BEAN1: variants seen among roughly 807,000 people sequenced by gnomAD.
BEAN1 encodes protein BEAN1.
Under a neutral mutation model 17.7 loss-of-function variants are expected in BEAN1, and 17 were observed. The observed-to-expected ratio is 0.96, with a 90% CI of 0.66 to 1.44. The LOEUF is 1.44. Among genes scored for constraint, BEAN1 ranks in the 40% most tolerant of loss-of-function variants. The probability of loss-of-function intolerance (pLI) is 0.00; values close to 1 mark genes in which losing one functional copy is unlikely to be tolerated. For synonymous variants in BEAN1, 142 were observed against 151.8 expected (o/e 0.94, Z 0.47); for missense variants, 359 against 374.1 (o/e 0.96, Z 0.33).
rs760782907 is a variant in BEAN1 at position 66,481,494 on chromosome 16, G to A, written c.*569G>A. 3.8e-5 allele frequency: 14 copies of A among 367,406 alleles called. No homozygotes were observed. The highest frequency in any genetic ancestry group is 9.3e-5 in the Admixed American group (2 of 21,606). 22.8% of individuals were successfully genotyped at this position (367,406 alleles called of 1,614,324 possible). ...TATCTCTCGATTCCAGGGCAGATGA[G>A]CCACAACATCACCACCCTGCCACTT... On this transcript the variant is annotated 3_prime_UTR_variant, in exon 5 of 5. Coordinates refer to ENST00000536005, the MANE Select transcript of BEAN1 (RefSeq NM_001178020.3). This position sits in a 1 kb window ranked among gnomAD's most constrained non-coding sequence, Gnocchi z 4.1.
chr16:66,467,655 C>T (rs1250217828), intron 2 of BEAN1, among the ~76,000 whole-genome samples: 2 of 152,176 alleles, frequency 1.3e-5, no homozygotes, highest in East Asian at 3.9e-4. Flanking sequence ...GTCTCCACAC[C>T]CCACATTCTC....
At chr16:66,449,658 A>G (rs1434189032) in intron 2 of BEAN1, among the ~76,000 whole-genome samples, 1 of 151,956 alleles carries the variant, frequency 6.6e-6, no homozygotes, top group Non-Finnish European at 1.5e-5. Context: ...AGTTTTTCAA[A>G]AAGATTATAT....
rs900309002 is a variant in BEAN1, at chr16:66,459,313, C to T, written c.26-10289C>T. On this transcript the variant is annotated intron_variant, in intron 2 of 4. Transcript: ENST00000536005. The stretch of plus-strand genomic sequence containing the variant: ...CCTTGGGGAAAAGGACAATCTCTTT[C>T]TCTTTTTTTTTCTTTTTCTCTTTTG... 5.9e-5 allele frequency among the ~76,000 whole-genome samples: 9 copies of T among 152,164 alleles called. No homozygotes were observed. The East Asian group carries it at 1.5e-3, about 26-fold the overall frequency.
At chr16:66,478,470 C>T (rs565321766) in intron 4 of BEAN1, among the ~76,000 whole-genome samples, 19 of 152,060 alleles carry the variant, frequency 1.2e-4, no homozygotes, top group Non-Finnish European at 1.9e-4. Context: ...GGCGTGGTGG[C>T]GGGCGCCTGT....
chr16:66,479,519 C>T (rs1249318142), intron 4 of BEAN1, among the ~76,000 whole-genome samples: 4 of 152,010 alleles, frequency 2.6e-5, no homozygotes, highest in East Asian at 1.9e-4. Flanking sequence ...GGCACGACTA[C>T]GAAGACAGAG....
At chr16:66,476,303 A>G (rs1963744952) in intron 3 of BEAN1, 1 of 152,092 alleles carries the variant, frequency 6.6e-6, no homozygotes, top group East Asian at 1.9e-4. Context: ...TCCACTCACT[A>G]TTATATGAAG....
At chr16:66,472,128 G>A (rs1963507046) in intron 3 of BEAN1, among the ~76,000 whole-genome samples, 1 of 152,192 alleles carries the variant, frequency 6.6e-6, no homozygotes, top group Non-Finnish European at 1.5e-5. Context: ...AGCCTTCCAG[G>A]CCCCGCTCAA....
intron 4 of BEAN1, among the ~76,000 whole-genome samples, chr16:66,491,836 G>A (rs936733539): frequency 2.6e-5 from 4 of 152,148 alleles, no homozygotes; most frequent in African/African-American, 9.7e-5. Flanking sequence ...GATAATGCTT[G>A]TTTGCCCGCC....
intron 3 of BEAN1, among the ~76,000 whole-genome samples, chr16:66,470,597 A>G (rs189863310): frequency 1.3e-5 from 2 of 152,256 alleles, no homozygotes; most frequent in Admixed American, 1.3e-4. Context: ...AGTGAATAAA[A>G]CTATCCCTGG....
At chr16:66,479,545 A>AAC (rs147401996) in intron 4 of BEAN1, among the ~76,000 whole-genome samples, 64 of 151,572 alleles carry the variant, frequency 4.2e-4, no homozygotes, top group East Asian at 3.5e-3. Flanking sequence ...TCCCCCTCCA[A>AAC]ACACACACAC....
At chr16:66,446,327 G>A (rs1962454794) in intron 2 of BEAN1, among the ~76,000 whole-genome samples, 1 of 152,158 alleles carries the variant, frequency 6.6e-6, no homozygotes, top group Admixed American at 6.5e-5. Flanking sequence ...CATTGGATTT[G>A]GGGTGGATAA....
downstream of BEAN1, among the ~76,000 whole-genome samples, chr16:66,487,043 C>A (rs1004447528): frequency 6.6e-6 from 1 of 152,204 alleles, no homozygotes; most frequent in African/African-American, 2.4e-5. Context: ...CCAGAGAGGC[C>A]CAGATCCACT....
In BEAN1 at chr16:66,482,534, C is replaced by T. The variant is rs996375999; in HGVS notation, c.*1609C>T. 4.2e-6 allele frequency: 1 copy of T among 240,296 alleles called. No individual in the cohort carries two copies. The highest frequency in any genetic ancestry group is 5.3e-5 in the Admixed American group (1 of 18,870). 14.9% of individuals were successfully genotyped at this position (240,296 alleles called of 1,614,324 possible). On this transcript the variant is annotated 3_prime_UTR_variant, in exon 5 of 5. Coordinates refer to ENST00000536005, the MANE Select transcript of BEAN1 (RefSeq NM_001178020.3). ...GGGACTTGTTTACAAGCAGTTCTGA[C>T]CACCTTAGTGGTGTACTGTTTTCTA...
intron 2 of BEAN1, among the ~76,000 whole-genome samples, chr16:66,468,245 GC>G (rs965908632): frequency 5.6e-4 from 86 of 152,332 alleles, no homozygotes; most frequent in African/African-American, 1.9e-3. Flanking sequence ...GGAGTGCCTA[GC>G]CCCATTGTTG....
intron 1 of BEAN1, chr16:66,428,328 G>C (rs552865504): frequency 6.6e-6 from 1 of 152,630 alleles, no homozygotes; most frequent in South Asian, 2.1e-4. Context: ...GGAAAGGGAG[G>C]GCGCAAGTAA....
intron 2 of BEAN1, among the ~76,000 whole-genome samples, chr16:66,458,660 C>G (rs1178315062): frequency 7.1e-6 from 1 of 141,608 alleles, no homozygotes; most frequent in Non-Finnish European, 1.5e-5. Flanking sequence ...TGAGTTCAAA[C>G]CCCAGCTCTG....
Position 66,433,645 on chromosome 16 carries a change from C to T in BEAN1, c.-82-3950C>T, listed in dbSNP as rs902960571. 4.6e-5 allele frequency among the ~76,000 whole-genome samples: 7 copies of T among 152,302 alleles called. 1 individual carries two copies. In the Middle Eastern group the frequency reaches 0.01, roughly 222 times the overall value. ...GCAGGGGCTCACCACCTCATCGGGC[C>T]CCTTATTCTTCTGAGTCACAGTGTT... On this transcript the variant is annotated intron_variant, in intron 1 of 4. Coordinates refer to ENST00000536005, the MANE Select transcript of BEAN1 (RefSeq NM_001178020.3).
intron 4 of BEAN1, among the ~76,000 whole-genome samples, chr16:66,480,125 T>G (rs1963928806): frequency 6.6e-6 from 1 of 152,052 alleles, no homozygotes; most frequent in Non-Finnish European, 1.5e-5. Flanking sequence ...TTCGGGGCAA[T>G]GGGTGCTCTT....
intron 2 of BEAN1, among the ~76,000 whole-genome samples, chr16:66,441,148 C>A (rs1351187089): frequency 1.3e-5 from 2 of 152,236 alleles, no homozygotes; most frequent in Non-Finnish European, 2.9e-5. Context: ...TCGCCCGCAC[C>A]ACCGTGCTCA....
Sources: allele counts gnomAD v4.1 joint callset (sites outside exome capture counted in the v4.1 genomes callset), GRCh38; gene constraint gnomAD v4.1.1; non-coding constraint Gnocchi (gnomAD v3.1); transcripts MANE v1.5; gene names NCBI Gene and HGNC (gene_info 2026-07-23, HGNC 2026-07-21).